The following PARM1 variants were observed in gnomAD, a reference collection of about 807,000 sequenced individuals.
PARM1 encodes WSC4, cell wall integrity and stress response component 4 homolog.
Under a neutral mutation model 24.6 loss-of-function variants are expected in PARM1, and 14 were observed. The ratio of observed to expected loss-of-function variants is 0.57; its 90% CI spans 0.38 to 0.89. The LOEUF is 0.89. PARM1 is among the 40% of genes least tolerant of loss of function. PARM1 has a pLI of 0.00. For synonymous variants in PARM1, 179 were observed against 156.6 expected (o/e 1.14, Z -1.07); for missense variants, 362 against 380.4 (o/e 0.95, Z 0.40).
In PARM1 at chr4:74,933,305, T is replaced by A. The variant is rs1382025514; in HGVS notation, c.-23T>A. ...AAACTCCTTGCCGCCCGCCCCGGGCTGGGCACCAAATACCAGGCTACCATG... is the reference window on the plus strand; with the variant it reads ...AAACTCCTTGCCGCCCGCCCCGGGCAGGGCACCAAATACCAGGCTACCATG... On this transcript the variant is annotated 5_prime_UTR_variant, in exon 1 of 4. Transcript: ENST00000307428. 3 of 1,607,048 alleles carry A rather than the reference T, an allele frequency of 1.9e-6. No individual in the cohort carries two copies. Among genetic ancestry groups the A allele is most frequent in the Admixed American group, 1.7e-5 (1 of 59,242 alleles).
intron 3 of PARM1, among the ~76,000 whole-genome samples, chr4:75,042,400 T>C (rs529663384): frequency 2.6e-5 from 4 of 152,324 alleles, no homozygotes; most frequent in African/African-American, 9.6e-5. Flanking sequence ...ACATCATTCA[T>C]CCAGATTGCT....
intron 2 of PARM1, among the ~76,000 whole-genome samples, chr4:75,019,935 G>C (rs1482778852): frequency 6.7e-6 from 1 of 148,870 alleles, no homozygotes; most frequent in Non-Finnish European, 1.5e-5. Context: ...CCCAGGAAGC[G>C]GAGCTTGCAG....
chr4:75,036,027 ACCT>A (rs879462540), intron 3 of PARM1, among the ~76,000 whole-genome samples: 6 of 152,150 alleles, frequency 3.9e-5, no homozygotes, highest in Non-Finnish European at 7.3e-5. Flanking sequence ...TACTCTGGGA[ACCT>A]CGTTTCCATT....
At chr4:74,980,117 G>A (rs1722218783) in intron 1 of PARM1, among the ~76,000 whole-genome samples, 1 of 152,084 alleles carries the variant, frequency 6.6e-6, no homozygotes, top group Non-Finnish European at 1.5e-5. Context: ...TTCTGGCCAG[G>A]GCAATCAGGC....
intron 2 of PARM1, among the ~76,000 whole-genome samples, chr4:75,017,906 T>C (rs761039094): frequency 6.6e-6 from 1 of 152,246 alleles, no homozygotes; most frequent in Admixed American, 6.5e-5. Context: ...ATTCACATAA[T>C]GCGGTTATTA....
chr4:74,999,307 C>T (rs762181133), intron 1 of PARM1: 4 of 152,346 alleles, frequency 2.6e-5, no homozygotes, highest in South Asian at 2.1e-4. Flanking sequence ...TAAAACCTTA[C>T]ATTGGTGCAT....
At chr4:74,948,638 A>G (rs1017742954) in intron 1 of PARM1, among the ~76,000 whole-genome samples, 4 of 152,144 alleles carry the variant, frequency 2.6e-5, no homozygotes, top group African/African-American at 9.7e-5. Flanking sequence ...GGACACCAAA[A>G]AGACACAGAG....
intron 2 of PARM1, among the ~76,000 whole-genome samples, chr4:75,031,852 C>CA (rs1165413922): frequency 1.3e-5 from 2 of 152,154 alleles, no homozygotes; most frequent in Non-Finnish European, 1.5e-5. Flanking sequence ...AAAATACTCC[C>CA]ATCACCTTAC....
intron 3 of PARM1, among the ~76,000 whole-genome samples, chr4:75,044,312 A>C (rs1270184296): frequency 6.6e-6 from 1 of 152,188 alleles, no homozygotes; most frequent in African/African-American, 2.4e-5. Flanking sequence ...AGAGGTAACA[A>C]ATGCTCATTT....
intron 1 of PARM1, chr4:74,956,119 C>A (rs1721627210): frequency 6.6e-6 from 1 of 152,326 alleles, no homozygotes; most frequent in Non-Finnish European, 1.5e-5. Context: ...TCAGGTGGAA[C>A]ACCTGGTAGT....
intron 2 of PARM1, among the ~76,000 whole-genome samples, chr4:75,019,908 C>T (rs1723056971): frequency 6.9e-6 from 1 of 145,196 alleles, no homozygotes; most frequent in Non-Finnish European, 1.5e-5. Flanking sequence ...GAGGCTGAGG[C>T]AGGAGAATGG....
At position 74,953,764 on chromosome 4, in the gene PARM1, T is replaced by C. The variant is rs1578025979; in HGVS notation, c.43+20394T>C. Among the ~76,000 whole-genome samples the C allele has an allele frequency of 2.0e-5, 3 of 152,106 alleles. No individual in the cohort carries two copies. In the South Asian group the frequency reaches 6.2e-4, roughly 32 times the overall value. On this transcript the variant is annotated intron_variant, in intron 1 of 3. Coordinates refer to ENST00000307428, the MANE Select transcript of PARM1 (RefSeq NM_015393.4). ...AGAACTGACAAGAAACATTAAAGTTTGAAAAGCGATCCCCACCACCACCGA... is the reference window on the plus strand; with the variant it reads ...AGAACTGACAAGAAACATTAAAGTTCGAAAAGCGATCCCCACCACCACCGA...
chr4:74,939,949 C>T (rs749927056), intron 1 of PARM1, among the ~76,000 whole-genome samples: 2 of 152,054 alleles, frequency 1.3e-5, no homozygotes, highest in African/African-American at 2.4e-5. Context: ...ATTTGATTTT[C>T]TTTTCAATGA....
intron 1 of PARM1, chr4:74,993,765 T>A (rs1283372002): frequency 6.6e-6 from 1 of 152,100 alleles, no homozygotes; most frequent in Non-Finnish European, 1.5e-5. Flanking sequence ...GGGCTAGGCA[T>A]GAAGAGTGGA....
chr4:75,013,075 G>A lies in PARM1; in HGVS notation c.694G>A (p.Glu232Lys), dbSNP rs1206755234. ...PTTVSGKVMCELIDMETTTTF... is the reference protein window; with the variant it reads ...PTTVSGKVMCKLIDMETTTTF... ...AACTGTGTCAGGCAAAGTGATGTGT[G>A]AGCTCATAGACATGGAGACCACCAC... The change falls in exon 2 of 4, where the codon GAG (glutamate) becomes AAG (lysine). Residue 232 changes from glutamate to lysine, a missense_variant. Coordinates refer to ENST00000307428, the MANE Select transcript of PARM1 (RefSeq NM_015393.4). 2.5e-6 allele frequency: 4 copies of A among 1,613,992 alleles called. No individual in the cohort carries two copies. Among genetic ancestry groups the A allele is most frequent in the Admixed American group, 1.7e-5 (1 of 60,018 alleles).
chr4:75,031,399 C>T (rs1723271549), intron 2 of PARM1, among the ~76,000 whole-genome samples: 1 of 152,046 alleles, frequency 6.6e-6, no homozygotes, highest in Admixed American at 6.5e-5. Flanking sequence ...CAGCTCTGGT[C>T]ATATAGGCTA....
intron 1 of PARM1, among the ~76,000 whole-genome samples, chr4:74,936,523 A>G (rs1721191929): frequency 6.8e-6 from 1 of 147,288 alleles, no homozygotes; most frequent in Admixed American, 7.0e-5. Flanking sequence ...GCGCGATCTC[A>G]GCTCACTGCA....
intron 2 of PARM1, among the ~76,000 whole-genome samples, chr4:75,020,500 C>G (rs114087402): frequency 6.0e-5 from 9 of 150,376 alleles, no homozygotes; most frequent in African/African-American, 1.0e-4. Flanking sequence ...TTTCCCCCCC[C>G]CCGCACCCAT....
At chr4:74,935,456 GA>G (rs1250201467) in intron 1 of PARM1, among the ~76,000 whole-genome samples, 1 of 152,022 alleles carries the variant, frequency 6.6e-6, no homozygotes. Flanking sequence ...CATTTTTAAA[GA>G]AAAAAATAGA....
Sources: allele counts gnomAD v4.1 joint callset (sites outside exome capture counted in the v4.1 genomes callset), GRCh38; gene constraint gnomAD v4.1.1; transcripts MANE v1.5; gene names NCBI Gene and HGNC (gene_info 2026-07-23, HGNC 2026-07-21).